Variants in LINC00305 observed in about 807,000 individuals in gnomAD.
LINC00305 encodes the protein long intergenic non-protein coding RNA 305.
At chr18:64,093,501 AT>A (rs2051232849) in intron 3 of LINC00305, among the ~76,000 whole-genome samples, 1 of 151,954 alleles carries the variant, frequency 6.6e-6, no homozygotes, top group South Asian at 2.1e-4. Flanking sequence ...AGCCCGGCTA[AT>A]TTTTGTGTTT....
intron 3 of LINC00305, among the ~76,000 whole-genome samples, chr18:64,091,699 T>G (rs185380748): frequency 1.3e-5 from 2 of 152,318 alleles, no homozygotes; most frequent in East Asian, 3.9e-4. Context: ...TAAAATCTGC[T>G]TCTTCATTTC....
chr18:64,139,148 A>C (rs1428619497), intron 1 of LINC00305, among the ~76,000 whole-genome samples: 1 of 152,238 alleles, frequency 6.6e-6, no homozygotes, highest in African/African-American at 2.4e-5. Flanking sequence ...ATCAAGTCTG[A>C]AATACTTTTT....
chr18:64,102,844 G>A (rs1029670194), intron 1 of LINC00305, among the ~76,000 whole-genome samples: 96 of 152,118 alleles, frequency 6.3e-4, no homozygotes, highest in African/African-American at 1.9e-3. Context: ...AAGGAAGGAC[G>A]TTGCTAAGCC....
chr18:64,127,992 C>G (rs2051392829), intron 1 of LINC00305, among the ~76,000 whole-genome samples: 1 of 152,038 alleles, frequency 6.6e-6, no homozygotes, highest in African/African-American at 2.4e-5. Flanking sequence ...CAAGGTAGAA[C>G]TAGGTTACTC....
At chr18:64,133,038 C>T (rs766774574) in intron 1 of LINC00305, among the ~76,000 whole-genome samples, 2 of 152,158 alleles carry the variant, frequency 1.3e-5, no homozygotes, top group African/African-American at 4.8e-5. Flanking sequence ...GGCAGAAGCT[C>T]AGCCAGAAGA....
chr18:64,143,983 T>A (rs2051484922), intron 1 of LINC00305, among the ~76,000 whole-genome samples: 1 of 152,114 alleles, frequency 6.6e-6, no homozygotes, highest in Admixed American at 6.6e-5. Context: ...AGTATTCTGT[T>A]TCCTGAAACA....
At chr18:64,109,351 G>A (rs1490599592) in intron 1 of LINC00305, among the ~76,000 whole-genome samples, 2 of 152,132 alleles carry the variant, frequency 1.3e-5, no homozygotes, top group Non-Finnish European at 2.9e-5. Flanking sequence ...GAAATTAAGT[G>A]GAAAAGACCA....
chr18:64,088,382 A>C (rs1036714290), intron 3 of LINC00305, among the ~76,000 whole-genome samples: 1 of 152,212 alleles, frequency 6.6e-6, no homozygotes, highest in East Asian at 1.9e-4. Flanking sequence ...CCTGAAACTG[A>C]TCAGGAATTC....
intron 1 of LINC00305, among the ~76,000 whole-genome samples, chr18:64,115,325 T>C (rs980767205): frequency 6.6e-6 from 1 of 152,152 alleles, no homozygotes; most frequent in African/African-American, 2.4e-5. Flanking sequence ...ACAGAGTTTA[T>C]GGCATCAGGC....
chr18:64,143,602 A>ATG (rs2051478127), intron 1 of LINC00305, among the ~76,000 whole-genome samples: 4 of 98,106 alleles, frequency 4.1e-5, no homozygotes, highest in African/African-American at 1.5e-4. Context: ...ACACATATGT[A>ATG]TATGTACATA....
chr18:64,106,873 G>A (rs1332782273), intron 1 of LINC00305, among the ~76,000 whole-genome samples: 2 of 152,186 alleles, frequency 1.3e-5, no homozygotes, highest in East Asian at 1.9e-4. Context: ...CAGCTGCATT[G>A]TTTATGTACT....
intron 3 of LINC00305, among the ~76,000 whole-genome samples, chr18:64,082,739 T>TAGTTTC (rs902673889): frequency 4.3e-4 from 65 of 152,360 alleles, no homozygotes; most frequent in African/African-American, 1.5e-3. Context: ...TCTGTTTTTT[T>TAGTTTC]AGTTTCTCAA....
At chr18:64,095,774 A>G (rs1481825210) in intron 3 of LINC00305, among the ~76,000 whole-genome samples, 2 of 152,170 alleles carry the variant, frequency 1.3e-5, no homozygotes, top group African/African-American at 4.8e-5. Context: ...TTCGATATAT[A>G]CATAATCAAT....
intron 1 of LINC00305, among the ~76,000 whole-genome samples, chr18:64,117,050 C>A (rs1176211343): frequency 6.6e-6 from 1 of 152,200 alleles, no homozygotes; most frequent in Non-Finnish European, 1.5e-5. Context: ...AGTGATTCGC[C>A]TCAGGCCCCT....
intron 1 of LINC00305, among the ~76,000 whole-genome samples, chr18:64,141,052 T>TAAAA (rs34175314): frequency 1.4e-3 from 134 of 95,762 alleles, no homozygotes; most frequent in East Asian, 2.4e-3. Context: ...GCCTGAATGA[T>TAAAA]AAAAAAAAAA....
chr18:64,095,526 A>G (rs762361317), intron 3 of LINC00305, among the ~76,000 whole-genome samples: 1 of 152,234 alleles, frequency 6.6e-6, no homozygotes, highest in Non-Finnish European at 1.5e-5. Context: ...AACAGGAGCT[A>G]TCTGAAAACT....
chr18:64,125,786 G>A (rs1245218833), intron 1 of LINC00305, among the ~76,000 whole-genome samples: 7 of 152,072 alleles, frequency 4.6e-5, no homozygotes, highest in Admixed American at 3.9e-4. Context: ...GTTGGGAGCT[G>A]GGGCCTAATG....
intron 1 of LINC00305, among the ~76,000 whole-genome samples, chr18:64,129,899 G>T (rs117051449): frequency 0.031 from 4,603 of 150,564 alleles, 109 homozygotes; most frequent in Non-Finnish European, 0.049. Flanking sequence ...ACTAGAAAAA[G>T]AAAAAGGGGC....
At chr18:64,119,016 C>A (rs2051350214) in intron 1 of LINC00305, among the ~76,000 whole-genome samples, 2 of 151,444 alleles carry the variant, frequency 1.3e-5, no homozygotes, top group Non-Finnish European at 2.9e-5. Context: ...TACTTTTGTC[C>A]AAGTATACAA....
Sources: gnomAD v4.1 joint callset for allele counts (sites outside exome capture counted in the v4.1 genomes callset) on GRCh38, gnomAD v4.1.1 for gene constraint, MANE v1.5 for transcripts, NCBI Gene and HGNC (gene_info 2026-07-23, HGNC 2026-07-21) for gene names.